Variants in EFL1 observed in about 807,000 individuals in gnomAD.
EFL1 encodes elongation factor-like GTPase 1.
A neutral mutation model predicts 126.7 loss-of-function variants in EFL1; 76 were observed. The observed-to-expected ratio is 0.60, with a 90% CI of 0.50 to 0.73. The LOEUF is 0.73. EFL1 is among the 30% of genes least tolerant of loss of function. The pLI, the probability that EFL1 is intolerant of heterozygous loss-of-function variation, is 0.00. For missense variants in EFL1, 1,128 were observed against 1,343.2 expected, an observed-to-expected ratio of 0.84 and a Z score of 2.50; for synonymous variants, 410 against 448.4, an observed-to-expected ratio of 0.91 and a Z score of 1.08.
chr15:82,142,533 A>G (rs2073800781), intron 18 of EFL1, among the ~76,000 whole-genome samples: 1 of 152,162 alleles, frequency 6.6e-6, no homozygotes, highest in Non-Finnish European at 1.5e-5. Flanking sequence ...AGGAGGTACC[A>G]GAGTACCCTA....
intron 7 of EFL1, among the ~76,000 whole-genome samples, chr15:82,231,911 C>G (rs1381534634): frequency 6.6e-6 from 1 of 152,192 alleles, no homozygotes; most frequent in African/African-American, 2.4e-5. Flanking sequence ...CTCTGTGGAT[C>G]CCTAAAAAGA....
intron 7 of EFL1, among the ~76,000 whole-genome samples, chr15:82,234,889 G>C (rs905058347): frequency 4.6e-5 from 7 of 152,178 alleles, no homozygotes; most frequent in Admixed American, 1.3e-4. Context: ...TTTTCTCAAA[G>C]TAATAATCTT....
chr15:82,135,337 C>A (rs2141209212), intron 19 of EFL1, among the ~76,000 whole-genome samples: 1 of 152,042 alleles, frequency 6.6e-6, no homozygotes, highest in East Asian at 1.9e-4. Flanking sequence ...AGGAGACGGA[C>A]AACCATCAAG....
intron 18 of EFL1, among the ~76,000 whole-genome samples, chr15:82,146,692 G>C (rs974469815): frequency 6.6e-6 from 1 of 151,770 alleles, no homozygotes; most frequent in Non-Finnish European, 1.5e-5. Flanking sequence ...TGGTCTCAGG[G>C]GCAAAGTATT....
intron 17 of EFL1, among the ~76,000 whole-genome samples, chr15:82,156,434 G>A (rs564124074): frequency 6.6e-5 from 10 of 152,208 alleles, no homozygotes; most frequent in East Asian, 3.9e-4. Flanking sequence ...ACAGGTGCAC[G>A]CCACCACATC....
At chr15:82,214,185 C>CA in intron 15 of EFL1, among the ~76,000 whole-genome samples, 1 of 152,178 alleles carries the variant, frequency 6.6e-6, no homozygotes, top group African/African-American at 2.4e-5. Context: ...CTAGAAAACT[C>CA]AAAAAGTGAA....
At chr15:82,200,079 G>A (rs2074451124) in intron 15 of EFL1, among the ~76,000 whole-genome samples, 2 of 152,152 alleles carry the variant, frequency 1.3e-5, no homozygotes, top group Admixed American at 1.3e-4. Flanking sequence ...AGGAAGCAGG[G>A]GCAGGGGCAA....
intron 15 of EFL1, among the ~76,000 whole-genome samples, chr15:82,189,624 T>C (rs2141269365): frequency 6.6e-6 from 1 of 152,316 alleles, no homozygotes; most frequent in Admixed American, 6.5e-5. Context: ...AAGGGTCTTC[T>C]TTCTCCCAAT....
chr15:82,161,877 C>G (rs932800581), intron 16 of EFL1, among the ~76,000 whole-genome samples: 2 of 152,184 alleles, frequency 1.3e-5, no homozygotes, highest in Admixed American at 6.5e-5. Flanking sequence ...TTCAAAGAAG[C>G]TGGTTCTTTA....
At chr15:82,230,800 T>C (rs146904865) in intron 8 of EFL1, 48 bp downstream of exon 8, 33 of 1,553,334 alleles carry the variant, frequency 2.1e-5, no homozygotes, top group Middle Eastern at 1.7e-4. Flanking sequence ...TAGGTTTTCA[T>C]AGGGCAAGAA....
At chr15:82,240,788 C>T (rs1419882544) in intron 5 of EFL1, among the ~76,000 whole-genome samples, 1 of 152,182 alleles carries the variant, frequency 6.6e-6, no homozygotes, top group Non-Finnish European at 1.5e-5. Flanking sequence ...TGGTGGGTCA[C>T]ACCTGTATCT....
At chr15:82,230,643 C>G (rs907731938) in intron 8 of EFL1, among the ~76,000 whole-genome samples, 11 of 152,110 alleles carry the variant, frequency 7.2e-5, no homozygotes, top group African/African-American at 2.7e-4. Context: ...TCTTTGCTCA[C>G]TATACTTAAA....
At chr15:82,246,829 G>C (rs1324694286) in intron 4 of EFL1, among the ~76,000 whole-genome samples, 1 of 152,098 alleles carries the variant, frequency 6.6e-6, no homozygotes, top group Non-Finnish European at 1.5e-5. Context: ...GGGGATGACA[G>C]GTAGGCTGAA....
At chr15:82,225,320 A>C (rs1471468833) in intron 11 of EFL1, 56 bp from the exon 12 acceptor site, 9 of 1,306,564 alleles carry the variant, frequency 6.9e-6, no homozygotes, top group East Asian at 4.9e-5. Flanking sequence ...AAAAAAAAAA[A>C]CAGATTTTTC....
intron 12 of EFL1, among the ~76,000 whole-genome samples, chr15:82,223,702 C>T (rs2074734422): frequency 6.6e-6 from 1 of 152,182 alleles, no homozygotes; most frequent in South Asian, 2.1e-4. Flanking sequence ...ATCCAATATC[C>T]TACATTTGTT....
chr15:82,235,516 T>C (rs1469547335), intron 7 of EFL1, among the ~76,000 whole-genome samples: 1 of 151,990 alleles, frequency 6.6e-6, no homozygotes. Flanking sequence ...ATAAAATCTA[T>C]AAAGAAATGC....
intron 6 of EFL1, among the ~76,000 whole-genome samples, chr15:82,238,806 G>T (rs1203679295): frequency 1.3e-5 from 2 of 151,958 alleles, no homozygotes; most frequent in Admixed American, 1.3e-4. Flanking sequence ...TTGTTTCTCA[G>T]TGCTGAGGCC....
At chr15:82,188,009 CTT>C (rs2074320187) in intron 15 of EFL1, among the ~76,000 whole-genome samples, 1 of 152,060 alleles carries the variant, frequency 6.6e-6, no homozygotes, top group South Asian at 2.1e-4. Context: ...GACATAAAGA[CTT>C]ATGACCATTA....
chr15:82,261,989 G>C (rs1223385837), intron 1 of EFL1, 192 bp from the exon 2 acceptor site: 2 of 516,244 alleles, frequency 3.9e-6, no homozygotes, highest in African/African-American at 1.9e-5. Flanking sequence ...ATCCTACCAC[G>C]ATTACACTTA....
Sources: gnomAD v4.1 joint callset for allele counts (sites outside exome capture counted in the v4.1 genomes callset) on GRCh38, gnomAD v4.1.1 for gene constraint, MANE v1.5 for transcripts, NCBI Gene and HGNC (gene_info 2026-07-23, HGNC 2026-07-21) for gene names.